NPEPPS: variants seen among roughly 807,000 people sequenced by gnomAD.
The protein encoded by NPEPPS is aminopeptidase puromycin sensitive.
A neutral mutation model predicts 115.5 loss-of-function variants in NPEPPS; 14 were observed. The ratio of observed to expected loss-of-function variants is 0.12; its 90% CI spans 0.08 to 0.19. The LOEUF (loss-of-function observed/expected upper bound fraction) is 0.19, where lower values mean the gene tolerates loss of function less well. NPEPPS is among the 10% of genes least tolerant of loss of function. NPEPPS has a pLI of 1.00. For synonymous variants in NPEPPS, 285 were observed against 390.6 expected (o/e 0.73, Z 3.19); for missense variants, 523 against 1,110.8 (o/e 0.47, Z 7.52).
At chr17:47,536,489 G>A (rs1908285220) in intron 1 of NPEPPS, among the ~76,000 whole-genome samples, 1 of 143,230 alleles carries the variant, frequency 7.0e-6, no homozygotes, top group South Asian at 2.3e-4. Flanking sequence ...GCCCCCCCAG[G>A]TTCAAGCAAT....
intron 2 of NPEPPS, among the ~76,000 whole-genome samples, chr17:47,565,505 C>CAAAAAAA (rs1172238090): frequency 1.5e-5 from 1 of 64,522 alleles, no homozygotes; most frequent in Admixed American, 1.8e-4. Flanking sequence ...GACTCCATCT[C>CAAAAAAA]AAAAAAAAAA....
At chr17:47,550,633 T>A (rs1399793492) in intron 2 of NPEPPS, among the ~76,000 whole-genome samples, 1 of 40,000 alleles carries the variant, frequency 2.5e-5, no homozygotes, top group Non-Finnish European at 5.8e-5. Context: ...TATATATAAT[T>A]TTTTTTTTTT....
intron 1 of NPEPPS, among the ~76,000 whole-genome samples, chr17:47,524,317 A>AT (rs1356370618): frequency 1.3e-5 from 2 of 151,150 alleles, no homozygotes; most frequent in Non-Finnish European, 3.0e-5. Context: ...CTCAAAAAAA[A>AT]AAATAAACCA....
Position 47,531,483 on chromosome 17 carries a change from C to G in NPEPPS, c.183C>G (p.Ile61Met), listed in dbSNP as rs769086867. 1.3e-5 allele frequency: 21 copies of G among 1,607,458 alleles called. No homozygotes were observed. Among genetic ancestry groups the G allele is most frequent in the Admixed American group, 1.7e-5 (1 of 59,496 alleles). ...FERLPADVSP[I>M]NYSLCLKPDL... The stretch of plus-strand genomic sequence containing the variant: ...GGCTGCCTGCCGATGTCTCCCCCAT[C>G]AACTACAGCCTTTGCCTCAAGCCCG... The change falls in exon 1 of 23, where the codon ATC becomes ATG. Residue 61 changes from isoleucine (I) to methionine (M), a missense_variant. Ile to Met is a conservative substitution (Grantham distance 10, BLOSUM62 1). Around this residue, in one of 4 missense-constraint regions of NPEPPS, gnomAD observed 144 missense variants for 512.4 expected, o/e 0.28. Transcript: ENST00000322157.
chr17:47,567,213 C>G (rs1910878471), intron 2 of NPEPPS, among the ~76,000 whole-genome samples: 10 of 152,190 alleles, frequency 6.6e-5, no homozygotes, highest in Admixed American at 6.5e-4. Context: ...TTATATGTCT[C>G]ATTTTCTTCA....
intron 1 of NPEPPS, among the ~76,000 whole-genome samples, chr17:47,538,775 G>A (rs1908533538): frequency 6.6e-6 from 1 of 151,962 alleles, no homozygotes; most frequent in African/African-American, 2.4e-5. Flanking sequence ...TGATCCACCC[G>A]CCTCGGCCTC....
At chr17:47,551,006 T>C (rs1013278986) in intron 2 of NPEPPS, among the ~76,000 whole-genome samples, 1 of 152,214 alleles carries the variant, frequency 6.6e-6, no homozygotes, top group Non-Finnish European at 1.5e-5. Context: ...AGAGACTATT[T>C]AGCTTTGTTA....
At chr17:47,594,912 G>T (rs1912763812) in intron 12 of NPEPPS, among the ~76,000 whole-genome samples, 1 of 147,170 alleles carries the variant, frequency 6.8e-6, no homozygotes, top group Non-Finnish European at 1.5e-5. Context: ...GATTACAGGC[G>T]TGAGCCACCG....
intron 16 of NPEPPS, among the ~76,000 whole-genome samples, chr17:47,604,487 A>G (rs769255238): frequency 7.2e-5 from 11 of 152,204 alleles, no homozygotes; most frequent in Non-Finnish European, 1.3e-4. Context: ...AATTATATTT[A>G]TATTTGGCTT....
At chr17:47,569,857 G>A (rs533601676) in intron 3 of NPEPPS, among the ~76,000 whole-genome samples, 1 of 152,196 alleles carries the variant, frequency 6.6e-6, no homozygotes, top group East Asian at 1.9e-4. Context: ...GATCTCAAGC[G>A]ATCTGCCCAC....
intron 12 of NPEPPS, among the ~76,000 whole-genome samples, chr17:47,595,755 G>T (rs1400377692): frequency 3.9e-5 from 6 of 152,074 alleles, no homozygotes; most frequent in African/African-American, 1.4e-4. Flanking sequence ...GGCCGAGGCA[G>T]TGGATCACCT....
At chr17:47,572,986 G>C (rs1911291062) in intron 3 of NPEPPS, among the ~76,000 whole-genome samples, 1 of 152,148 alleles carries the variant, frequency 6.6e-6, no homozygotes, top group Non-Finnish European at 1.5e-5. Context: ...ATGTTGGCCA[G>C]GCTGGTCTCG....
At chr17:47,583,704 C>G (rs1391079023) in intron 5 of NPEPPS, among the ~76,000 whole-genome samples, 2 of 151,974 alleles carry the variant, frequency 1.3e-5, no homozygotes, top group Non-Finnish European at 2.9e-5. Context: ...TGCTTGAGGC[C>G]AGGAGTTTGA....
At chr17:47,574,009 C>T (rs2611885) in intron 3 of NPEPPS, among the ~76,000 whole-genome samples, 2 of 152,008 alleles carry the variant, frequency 1.3e-5, no homozygotes, top group Non-Finnish European at 2.9e-5. Context: ...GGAAAAATTA[C>T]ACCTCTGAAT....
chr17:47,547,173 A>C (rs1909277587), intron 2 of NPEPPS, among the ~76,000 whole-genome samples: 1 of 152,174 alleles, frequency 6.6e-6, no homozygotes, highest in Non-Finnish European at 1.5e-5. Context: ...CATGGTATAG[A>C]ATGTGGAACT....
intron 9 of NPEPPS, among the ~76,000 whole-genome samples, chr17:47,590,340 A>G (rs1021553798): frequency 8.5e-5 from 13 of 152,170 alleles, no homozygotes; most frequent in African/African-American, 3.1e-4. Context: ...CCTGGCCAAC[A>G]TGGCAAAACC....
Position 47,575,115 on chromosome 17 carries a change from A to C in NPEPPS, c.419-4275A>C, listed in dbSNP as rs572139845. 7.9e-4 allele frequency among the ~76,000 whole-genome samples: 120 copies of C among 152,340 alleles called. 1 individual carries two copies. The highest frequency in any genetic ancestry group is 6.2e-3 in the South Asian group (30 of 4,828). Reference sequence around the variant, plus strand: ...TATTTCAAAAACATAGTACATTTACATAATTTGAAATTCAAATGCTATGCA... The same window carrying C: ...TATTTCAAAAACATAGTACATTTACCTAATTTGAAATTCAAATGCTATGCA... On this transcript the variant is annotated intron_variant, in intron 3 of 22. Coordinates refer to ENST00000322157, the MANE Select transcript of NPEPPS (RefSeq NM_006310.4).
chr17:47,524,946 G>GT (rs950348110), intron 1 of NPEPPS, among the ~76,000 whole-genome samples: 2 of 151,264 alleles, frequency 1.3e-5, no homozygotes, highest in Non-Finnish European at 2.9e-5. Context: ...ACTTCCATAG[G>GT]TTTTTCATTT....
chr17:47,590,427 C>T (rs1912429861), intron 9 of NPEPPS, among the ~76,000 whole-genome samples: 1 of 150,346 alleles, frequency 6.7e-6, no homozygotes, highest in Non-Finnish European at 1.5e-5. Context: ...GTGAACACTC[C>T]AGCCTGGTGA....
Sources: allele counts gnomAD v4.1 joint callset (sites outside exome capture counted in the v4.1 genomes callset), GRCh38; gene constraint gnomAD v4.1.1; regional missense constraint gnomAD v4.1.1; transcripts MANE v1.5; gene names NCBI Gene and HGNC (gene_info 2026-07-23, HGNC 2026-07-21).